Variants in CAPN9 observed in about 807,000 individuals in gnomAD.
CAPN9 encodes calpain 9.
CAPN9 carries 81 observed loss-of-function variants against 92.8 expected under a neutral mutation model. That is an observed-to-expected ratio of 0.87 (90% confidence interval 0.73 to 1.05). The LOEUF is 1.05. Ranked by LOEUF, CAPN9 falls within the 50% of genes least tolerant of loss-of-function variation. The pLI is 0.00. For synonymous variants in CAPN9, 304 were observed against 328.0 expected, an observed-to-expected ratio of 0.93 and a Z score of 0.79; for missense variants, 848 against 866.2, an observed-to-expected ratio of 0.98 and a Z score of 0.26.
chr1:230,772,620 T>C (rs540299751), intron 7 of CAPN9, among the ~76,000 whole-genome samples: 24 of 152,292 alleles, frequency 1.6e-4, no homozygotes, highest in African/African-American at 4.3e-4. Flanking sequence ...CTCATGCCTA[T>C]AATTCCAACA....
At chr1:230,794,252 G>C (rs779244901) in intron 17 of CAPN9, among the ~76,000 whole-genome samples, 1 of 152,134 alleles carries the variant, frequency 6.6e-6, no homozygotes, top group Non-Finnish European at 1.5e-5. Flanking sequence ...GGGAGGCCTA[G>C]GTGGGTGGAT....
intron 2 of CAPN9, among the ~76,000 whole-genome samples, chr1:230,755,876 C>A (rs74597589): frequency 6.6e-6 from 1 of 152,146 alleles, no homozygotes; most frequent in Non-Finnish European, 1.5e-5. Context: ...GGATTTGAAC[C>A]CAGACACTCC....
At chr1:230,774,657 TGCAGA>T in intron 8 of CAPN9, 26 bp downstream of exon 8, 1 of 1,551,140 alleles carries the variant, frequency 6.4e-7, no homozygotes, top group Non-Finnish European at 8.9e-7. Context: ...CTGTGTTAAC[TGCAGA>T]TACGAGCAAG....
At chr1:230,781,466 A>C (rs1181986575) in intron 11 of CAPN9, among the ~76,000 whole-genome samples, 1 of 152,184 alleles carries the variant, frequency 6.6e-6, no homozygotes, top group East Asian at 1.9e-4. Context: ...ATGTTGGCAA[A>C]TCTGCCTCTC....
At chr1:230,751,609 GAGAAAGAA>G (rs1168833010) in intron 1 of CAPN9, among the ~76,000 whole-genome samples, 1,347 of 31,470 alleles carry the variant, frequency 0.043, 31 homozygotes, top group East Asian at 0.14. Context: ...AAGAAAGAAA[GAGAAAGAA>G]AGAAAGAAAG....
chr1:230,759,023 T>C (rs891456006), intron 2 of CAPN9, among the ~76,000 whole-genome samples: 1 of 152,248 alleles, frequency 6.6e-6, no homozygotes, highest in East Asian at 1.9e-4. Context: ...AAATGCAAGA[T>C]AATTTAAAGC....
At chr1:230,769,960 T>C (rs558283264) in intron 6 of CAPN9, among the ~76,000 whole-genome samples, 3 of 152,278 alleles carry the variant, frequency 2.0e-5, no homozygotes, top group Non-Finnish European at 4.4e-5. Flanking sequence ...TTATAAAACA[T>C]GTTAATTGGT....
rs992405831 is a variant in CAPN9, at chr1:230,774,108, G to A, written c.876-446G>A. Among the ~76,000 whole-genome samples the A allele has an allele frequency of 3.3e-5, 5 of 152,322 alleles. No homozygotes were observed. In the East Asian group the frequency reaches 9.7e-4, roughly 29 times the overall value. On this transcript the variant is annotated intron_variant, in intron 7 of 19. Coordinates refer to ENST00000271971, the MANE Select transcript of CAPN9 (RefSeq NM_006615.3). ...CCGGGTACAGACAACATCAAGCATG[G>A]GCAGGTGTAAGGCATTATCACCTTT...
At chr1:230,792,977 C>T (rs778126740) in intron 17 of CAPN9, 49 bp downstream of exon 17, 8 of 1,418,322 alleles carry the variant, frequency 5.6e-6, no homozygotes, top group Non-Finnish European at 8.0e-6. Context: ...CCAGGTACTG[C>T]CTGTGGGCAA....
At chr1:230,760,128 G>A (rs1174426035) in intron 3 of CAPN9, among the ~76,000 whole-genome samples, 1 of 152,096 alleles carries the variant, frequency 6.6e-6, no homozygotes, top group Non-Finnish European at 1.5e-5. Flanking sequence ...CACATCAGGA[G>A]AGGCTTGCCC....
At chr1:230,758,812 A>T (rs1159629324) in intron 2 of CAPN9, among the ~76,000 whole-genome samples, 1 of 152,196 alleles carries the variant, frequency 6.6e-6, no homozygotes, top group Admixed American at 6.5e-5. Context: ...CACAGGCGGC[A>T]TCTGAGACAC....
chr1:230,791,849 C>A lies in CAPN9; in HGVS notation c.1658-15C>A. Reference sequence around the variant, plus strand: ...TATCGGGTCAACTGAATTCAGCTTTCATGTGCAATTTCAGAAAAGGACATC... The same window carrying A: ...TATCGGGTCAACTGAATTCAGCTTTAATGTGCAATTTCAGAAAAGGACATC... On this transcript the variant is annotated splice_polypyrimidine_tract_variant and intron_variant, in intron 14 of 19. Transcript: ENST00000271971. 6.2e-7 allele frequency: 1 copy of A among 1,608,922 alleles called. No homozygotes were observed. The highest frequency in any genetic ancestry group is 8.5e-7 in the Non-Finnish European group (1 of 1,175,294).
At chr1:230,779,766 A>C (rs1246095432) in intron 9 of CAPN9, among the ~76,000 whole-genome samples, 2 of 152,220 alleles carry the variant, frequency 1.3e-5, no homozygotes, top group African/African-American at 2.4e-5. Context: ...GCAGTGCTCG[A>C]GGTCAATCCT....
intron 19 of CAPN9, among the ~76,000 whole-genome samples, chr1:230,798,586 C>G (rs1668493250): frequency 6.6e-6 from 1 of 152,122 alleles, no homozygotes; most frequent in Admixed American, 6.5e-5. Context: ...GCTCACTCTC[C>G]CTTGCTCATG....
At chr1:230,793,579 C>T (rs557236567) in intron 17 of CAPN9, among the ~76,000 whole-genome samples, 1 of 152,218 alleles carries the variant, frequency 6.6e-6, no homozygotes, top group Non-Finnish European at 1.5e-5. Context: ...CTCTGCAGAC[C>T]TCCCGCCTGC....
At chr1:230,747,970 G>A (rs1383753615) in intron 1 of CAPN9, among the ~76,000 whole-genome samples, 1 of 152,176 alleles carries the variant, frequency 6.6e-6, no homozygotes, top group African/African-American at 2.4e-5. Flanking sequence ...CCGAGGCTGA[G>A]GACCTGGAGT....
Position 230,772,041 on chromosome 1 carries a change from C to G in CAPN9, c.817C>G (p.Leu273Val). The part of the protein sequence containing the change: ...QVSFRGQRIE[L>V]IRIRNPWGQV... The stretch of plus-strand genomic sequence containing the variant: ...AAGCTTCCGAGGCCAGAGAATCGAG[C>G]TCATCCGAATCCGGAACCCTTGGGG... Residue 273 changes from leucine (L) to valine (V), a missense_variant, in exon 7 of 20, where the codon CTC (leucine) becomes GTC (valine). Leu to Val is a conservative substitution (Grantham distance 32). Coordinates refer to ENST00000271971, the MANE Select transcript of CAPN9 (RefSeq NM_006615.3). The G allele has an allele frequency of 6.2e-7, 1 of 1,614,230 alleles. No individual in the cohort carries two copies. Among genetic ancestry groups the G allele is most frequent in the African/African-American group, 1.3e-5 (1 of 75,080 alleles).
chr1:230,775,875 T>A (rs1472992696), intron 8 of CAPN9, among the ~76,000 whole-genome samples: 1 of 144,648 alleles, frequency 6.9e-6, no homozygotes, highest in African/African-American at 2.6e-5. Context: ...CGAGATTGCA[T>A]CACTGCACTC....
chr1:230,787,440 G>C (rs185700667), intron 12 of CAPN9, 82 bp from the exon 13 acceptor site: 1 of 1,186,768 alleles, frequency 8.4e-7, no homozygotes. Flanking sequence ...GGGCACACAG[G>C]CTCCTGGCTT....
Sources: allele counts gnomAD v4.1 joint callset (sites outside exome capture counted in the v4.1 genomes callset), GRCh38; gene constraint gnomAD v4.1.1; transcripts MANE v1.5; gene names NCBI Gene and HGNC (gene_info 2026-07-23, HGNC 2026-07-21).